Variants in PKIB observed in about 807,000 individuals in gnomAD.
The protein encoded by PKIB is PKI-beta.
Under a neutral mutation model 4.5 loss-of-function variants are expected in PKIB, and 2 were observed. That is an observed-to-expected ratio of 0.44 (90% CI 0.18 to 1.39). The LOEUF is 1.39. Among genes scored for constraint, PKIB ranks in the 40% most tolerant of loss-of-function variants. The pLI is 0.27. For synonymous variants in PKIB, 38 were observed against 36.0 expected (o/e 1.06, Z -0.20); for missense variants, 94 against 92.6 (o/e 1.02, Z -0.06).
intron 2 of PKIB, among the ~76,000 whole-genome samples, chr6:122,585,082 C>A (rs1295649405): frequency 1.3e-5 from 2 of 152,052 alleles, no homozygotes; most frequent in Non-Finnish European, 2.9e-5. Context: ...GACTGCAGGA[C>A]TGCCTCTGAG....
At chr6:122,522,871 A>G (rs940038219) in intron 2 of PKIB, among the ~76,000 whole-genome samples, 4 of 152,196 alleles carry the variant, frequency 2.6e-5, no homozygotes, top group African/African-American at 9.7e-5. Flanking sequence ...TCTTGCCTGG[A>G]GATAGCATTT....
chr6:122,484,880 T>A (rs1400896273), intron 2 of PKIB, among the ~76,000 whole-genome samples: 1 of 152,210 alleles, frequency 6.6e-6, no homozygotes, highest in African/African-American at 2.4e-5. Flanking sequence ...ATTGAAAACC[T>A]AACTTAGGAG....
At chr6:122,501,929 C>CTTT (rs59519477) in intron 2 of PKIB, among the ~76,000 whole-genome samples, 9 of 124,606 alleles carry the variant, frequency 7.2e-5, no homozygotes, top group East Asian at 2.3e-4. Flanking sequence ...AGCCAGGCCA[C>CTTT]TTTTTTTTTT....
chr6:122,476,130 T>C (rs990472355), intron 1 of PKIB, among the ~76,000 whole-genome samples: 1 of 152,186 alleles, frequency 6.6e-6, no homozygotes, highest in Non-Finnish European at 1.5e-5. Flanking sequence ...GACTGAAACA[T>C]CTTGGCCCCC....
chr6:122,694,196 C>T (rs377200111), intron 3 of PKIB, among the ~76,000 whole-genome samples: 6 of 152,256 alleles, frequency 3.9e-5, no homozygotes, highest in East Asian at 3.9e-4. Context: ...CTAACCTTTA[C>T]TCCAATTCAT....
intron 2 of PKIB, among the ~76,000 whole-genome samples, chr6:122,525,904 C>G (rs1777079934): frequency 6.6e-6 from 1 of 152,136 alleles, no homozygotes; most frequent in Admixed American, 6.6e-5. Flanking sequence ...TTCTTGATAG[C>G]ATTTTACCCT....
At chr6:122,704,064 T>C (rs910436444) in intron 3 of PKIB, among the ~76,000 whole-genome samples, 3 of 151,826 alleles carry the variant, frequency 2.0e-5, no homozygotes, top group African/African-American at 7.3e-5. Context: ...TTCCAGTTTG[T>C]GTTCAAGTCT....
intron 3 of PKIB, among the ~76,000 whole-genome samples, chr6:122,708,456 T>C (rs1327082494): frequency 6.6e-6 from 1 of 152,178 alleles, no homozygotes; most frequent in African/African-American, 2.4e-5. Flanking sequence ...AATTTCACCT[T>C]TAGGGAGAAA....
intron 2 of PKIB, among the ~76,000 whole-genome samples, chr6:122,667,170 T>A (rs1777253552): frequency 6.6e-6 from 1 of 152,238 alleles, no homozygotes; most frequent in Non-Finnish European, 1.5e-5. Flanking sequence ...ATACTGGGGT[T>A]AGACTTAACT....
chr6:122,573,954 T>G (rs572944787), intron 2 of PKIB, among the ~76,000 whole-genome samples: 1 of 152,186 alleles, frequency 6.6e-6, no homozygotes, highest in South Asian at 2.1e-4. Context: ...ATAAAGGGCA[T>G]CCAAACTGGA....
chr6:122,669,667 C>G (rs1310491083), intron 2 of PKIB, among the ~76,000 whole-genome samples: 1 of 152,074 alleles, frequency 6.6e-6, no homozygotes, highest in Non-Finnish European at 1.5e-5. Flanking sequence ...ATACTTTCAG[C>G]TCCCGCCTTG....
chr6:122,620,345 T>C (rs974247424), intron 1 of PKIB, among the ~76,000 whole-genome samples: 13 of 152,256 alleles, frequency 8.5e-5, no homozygotes, highest in Admixed American at 7.2e-4. Flanking sequence ...TTTTTTGAAT[T>C]CCCAAATGTA....
At chr6:122,480,861 CAT>C (rs1414370489) in intron 2 of PKIB, 1 of 152,130 alleles carries the variant, frequency 6.6e-6, no homozygotes, top group East Asian at 1.9e-4. Flanking sequence ...CATAGACATG[CAT>C]ATGTGTTGAT....
At chr6:122,723,201 C>T (rs4132480) in intron 4 of PKIB, among the ~76,000 whole-genome samples, 63,859 of 151,930 alleles carry the variant, frequency 0.42, 14,920 homozygotes, top group South Asian at 0.64. Context: ...AATCTGATTT[C>T]GTTGGGATAA....
intron 2 of PKIB, among the ~76,000 whole-genome samples, chr6:122,537,863 C>A (rs201904670): frequency 6.6e-6 from 1 of 151,516 alleles, no homozygotes; most frequent in African/African-American, 2.4e-5. Flanking sequence ...TTTTAATGAT[C>A]GCCATTCTAA....
chr6:122,576,230 TGGCTCAAGCCTGTAATCCCAGAACTTTGG>T (rs1172278737), intron 2 of PKIB, among the ~76,000 whole-genome samples: 2 of 152,174 alleles, frequency 1.3e-5, no homozygotes, highest in Non-Finnish European at 2.9e-5. Context: ...CTGGGCGTGG[TGGCTCAAGCCTGTAATCCCAGAACTTTGG>T]GAGGCCGAGG....
intron 2 of PKIB, among the ~76,000 whole-genome samples, chr6:122,527,297 C>T (rs879354371): frequency 3.9e-5 from 6 of 151,956 alleles, no homozygotes; most frequent in East Asian, 1.9e-4. Flanking sequence ...TAGCACTTTT[C>T]GTTTTTTATA....
intron 1 of PKIB, among the ~76,000 whole-genome samples, chr6:122,622,772 G>C (rs1300148671): frequency 6.7e-6 from 1 of 148,900 alleles, no homozygotes; most frequent in Admixed American, 6.6e-5. Context: ...CCACAGGCAT[G>C]AGGGTTCTTA....
intron 2 of PKIB, among the ~76,000 whole-genome samples, chr6:122,663,023 T>C (rs1043694076): frequency 6.6e-6 from 1 of 152,184 alleles, no homozygotes; most frequent in Non-Finnish European, 1.5e-5. Flanking sequence ...TTGAAAAACT[T>C]CATGGAAATT....
Sources: allele counts gnomAD v4.1 joint callset (sites outside exome capture counted in the v4.1 genomes callset), GRCh38; gene constraint gnomAD v4.1.1; transcripts MANE v1.5; gene names NCBI Gene and HGNC (gene_info 2026-07-23, HGNC 2026-07-21).